NXN: variants seen among roughly 807,000 people sequenced by gnomAD.
NXN encodes the protein nucleoredoxin 1.
In NXN, 16 loss-of-function variants were observed where a neutral mutation model predicts 48.6. That is an observed-to-expected ratio of 0.33 (90% CI 0.22 to 0.50). The LOEUF (loss-of-function observed/expected upper bound fraction) is 0.50, where lower values mean the gene tolerates loss of function less well. NXN is among the 20% of genes least tolerant of loss of function. The pLI is 0.98. For missense variants in NXN, 492 were observed against 605.5 expected, an observed-to-expected ratio of 0.81 and a Z score of 1.97; for synonymous variants, 281 against 269.6, an observed-to-expected ratio of 1.04 and a Z score of -0.41.
chr17:937,247 G>C lies in NXN; in HGVS notation c.360+42072C>G, dbSNP rs979042979. Among the ~76,000 whole-genome samples, 3 of 152,216 alleles carry C rather than the reference G, an allele frequency of 2.0e-5. No homozygotes were observed. The East Asian group carries it at 5.8e-4, about 30-fold the overall frequency. On this transcript the variant is annotated intron_variant, in intron 1 of 7. Coordinates refer to ENST00000336868, the MANE Select transcript of NXN (RefSeq NM_022463.5). ...GATCCGCCCGCCTCGGCCTCCCAAG[G>C]TGCTGGGTGCATTTTTTCTTAAGGA...
At chr17:848,249 T>C (rs2067886740) in intron 1 of NXN, among the ~76,000 whole-genome samples, 1 of 152,120 alleles carries the variant, frequency 6.6e-6, no homozygotes, top group African/African-American at 2.4e-5. Flanking sequence ...GCAATTCTCC[T>C]ACCTCAGCCT....
At position 978,366 on chromosome 17, in the gene NXN, C is replaced by T. The variant is rs2069485939; in HGVS notation, c.360+953G>A. The T allele has an allele frequency of 1.3e-5, 2 of 152,440 alleles. No homozygotes were observed. The highest frequency in any genetic ancestry group is 3.9e-4 in the East Asian group (2 of 5,188). The allele number at this position is 152,440 out of a possible 1,614,324, so 9.4% of individuals were successfully genotyped here. A position where few individuals can be genotyped will look rare whatever the true frequency, so the allele number is the denominator to read the frequency against. On this transcript the variant is annotated intron_variant, in intron 1 of 7. Transcript: ENST00000336868. This position sits in a 1 kb window ranked among gnomAD's most constrained non-coding sequence, Gnocchi z 4.1. Reference sequence around the variant, plus strand: ...CAGACATCCTCACCCAAGGGACACACTCAGAAACCCAAACTCAACTCGGCA... The same window carrying T: ...CAGACATCCTCACCCAAGGGACACATTCAGAAACCCAAACTCAACTCGGCA...
chr17:820,590 C>A (rs545917684), intron 4 of NXN, among the ~76,000 whole-genome samples: 2 of 71,866 alleles, frequency 2.8e-5, no homozygotes, highest in East Asian at 4.3e-4. Context: ...CCAGCCCGGG[C>A]GACAGAGCGA....
intron 1 of NXN, among the ~76,000 whole-genome samples, chr17:950,993 T>C (rs1481299204): frequency 6.6e-6 from 1 of 151,922 alleles, no homozygotes; most frequent in Non-Finnish European, 1.5e-5. Context: ...CAATCGCTTA[T>C]GAAACAAAAT....
chr17:884,884 A>G (rs1019560221), intron 1 of NXN, among the ~76,000 whole-genome samples: 2 of 152,246 alleles, frequency 1.3e-5, no homozygotes, highest in African/African-American at 4.8e-5. Flanking sequence ...TCACCAATCC[A>G]GAATCTTGGG....
intron 1 of NXN, among the ~76,000 whole-genome samples, chr17:854,825 C>T (rs1241731426): frequency 1.4e-5 from 2 of 148,126 alleles, no homozygotes; most frequent in African/African-American, 2.5e-5. Context: ...TGGATGTGGC[C>T]GCAGGCACCT....
intron 1 of NXN, among the ~76,000 whole-genome samples, chr17:841,626 G>GCCCA (rs1914299439): frequency 1.0e-5 from 1 of 100,440 alleles, no homozygotes; most frequent in Admixed American, 1.0e-4. Context: ...TCTCACACGG[G>GCCCA]CAAGCAGGTC....
chr17:968,410 A>G (rs893130042), intron 1 of NXN, among the ~76,000 whole-genome samples: 12 of 152,322 alleles, frequency 7.9e-5, no homozygotes, highest in African/African-American at 2.4e-4. Context: ...ACCCATATGC[A>G]AAGATACACA....
In NXN at chr17:884,144, C is replaced by A. The variant is rs565944956; in HGVS notation, c.361-58066G>T. On this transcript the variant is annotated intron_variant, in intron 1 of 7. Coordinates refer to ENST00000336868, the MANE Select transcript of NXN (RefSeq NM_022463.5). ...GCTGAGGCAGGAGAATGGCATGAAC[C>A]TGGGAGGCGGAGCTTGCAGTGAGCT... is the stretch of plus-strand genomic sequence containing the variant. Among the ~76,000 whole-genome samples, 121 of 152,124 alleles carry A rather than the reference C, an allele frequency of 8.0e-4. 2 individuals are homozygous for A. The highest frequency in any genetic ancestry group is 5.8e-4 in the East Asian group (3 of 5,188).
chr17:879,268 G>T (rs1367504278), intron 1 of NXN, among the ~76,000 whole-genome samples: 1 of 85,314 alleles, frequency 1.2e-5, no homozygotes, highest in African/African-American at 3.1e-5. Context: ...TTTTTGTTTT[G>T]GTTTGGTTTT....
rs766279338 is a variant in NXN, at chr17:958,813, T to C, written c.360+20506A>G. Among the ~76,000 whole-genome samples the C allele has an allele frequency of 1.3e-5, 2 of 151,864 alleles. No homozygotes were observed. The highest frequency in any genetic ancestry group is 2.9e-5 in the Non-Finnish European group (2 of 67,970). On this transcript the variant is annotated intron_variant, in intron 1 of 7. Transcript: ENST00000336868. This position sits in a 1 kb window ranked among gnomAD's most constrained non-coding sequence, Gnocchi z 6.9. Reference sequence around the variant, plus strand: ...CTGGGGAGGTGGTGAGCTCCTGTAGTCTCAGCTTCTCAGGGGGCTGAGGTG... The same window carrying C: ...CTGGGGAGGTGGTGAGCTCCTGTAGCCTCAGCTTCTCAGGGGGCTGAGGTG...
At chr17:805,020 T>TCCCCCCCCCCCACCCCCCCCCCCCC in intron 6 of NXN, 48 bp downstream of exon 6, 1 of 1,512,882 alleles carries the variant, frequency 6.6e-7, no homozygotes, top group Admixed American at 2.0e-5. Flanking sequence ...GCCCCTCCTG[T>TCCCCCCCCCCCACCCCCCCCCCCCC]CCCGCCCCCC....
chr17:899,165 T>C (rs1464033718), intron 1 of NXN, among the ~76,000 whole-genome samples: 2 of 151,914 alleles, frequency 1.3e-5, no homozygotes, highest in Non-Finnish European at 2.9e-5. Context: ...ACCATGTTGG[T>C]CAGGCTCGTC....
chr17:870,113 G>A (rs112089493), intron 1 of NXN, among the ~76,000 whole-genome samples: 1,763 of 152,188 alleles, frequency 0.012, 32 homozygotes, highest in African/African-American at 0.04. Context: ...GCGCAGGACA[G>A]CTCCTCCCAC....
chr17:963,388 A>T (rs1486276803), intron 1 of NXN, among the ~76,000 whole-genome samples: 1 of 151,710 alleles, frequency 6.6e-6, no homozygotes, highest in African/African-American at 2.4e-5. Context: ...GGATCGCTTG[A>T]GGCCAGGAGT....
At chr17:940,386 A>G (rs1406397743) in intron 1 of NXN, among the ~76,000 whole-genome samples, 1 of 151,954 alleles carries the variant, frequency 6.6e-6, no homozygotes, top group African/African-American at 2.4e-5. Context: ...GAGCCATTGC[A>G]CCTGGCCTCA....
chr17:816,528 C>T (rs552128799), intron 5 of NXN, among the ~76,000 whole-genome samples: 1 of 152,184 alleles, frequency 6.6e-6, no homozygotes, highest in East Asian at 1.9e-4. Context: ...TCCCCTGGGG[C>T]ATCCTTGGTC....
rs183105564 is a variant in NXN, at chr17:823,612, A to T, written c.612+20T>A. ...TCACTGCTTCCTTCTGTCTGAGCCAAAGGGGGTCCAAACACTCACCCAATG... is the reference window on the plus strand; with the variant it reads ...TCACTGCTTCCTTCTGTCTGAGCCATAGGGGGTCCAAACACTCACCCAATG... On this transcript the variant is annotated intron_variant, in intron 3 of 7. Transcript: ENST00000336868. The T allele has an allele frequency of 7.4e-6, 12 of 1,613,782 alleles. No homozygotes were observed. The Admixed American group carries it at 2.0e-4, about 27-fold the overall frequency.
rs1597252744 is a variant in NXN, at chr17:932,780, A to G, written c.360+46539T>C. Among the ~76,000 whole-genome samples the G allele has an allele frequency of 1.3e-5, 2 of 152,256 alleles. No individual in the cohort carries two copies. Among genetic ancestry groups the G allele is most frequent in the East Asian group, 3.9e-4 (2 of 5,178 alleles). On this transcript the variant is annotated intron_variant, in intron 1 of 7. Coordinates refer to ENST00000336868, the MANE Select transcript of NXN (RefSeq NM_022463.5). The surrounding 1 kb of genome is among the most constrained non-coding windows in gnomAD (Gnocchi z 4.1). The stretch of plus-strand genomic sequence containing the variant: ...AGTGCCTTGTTGTGGCCGGCTTCGC[A>G]TAAGTCATCTGCGCCCGCCACCACG...
Sources: gnomAD v4.1 joint callset for allele counts (sites outside exome capture counted in the v4.1 genomes callset) on GRCh38, gnomAD v4.1.1 for gene constraint, Gnocchi (gnomAD v3.1) non-coding constraint, MANE v1.5 for transcripts, NCBI Gene and HGNC (gene_info 2026-07-23, HGNC 2026-07-21) for gene names.